CASQ2: variants seen among roughly 807,000 people sequenced by gnomAD.
CASQ2 encodes calsequestrin 2, also known as calsequestrin-2.
A neutral mutation model predicts 46.5 loss-of-function variants in CASQ2; 49 were observed. The observed-to-expected ratio is 1.05, with a 90% CI of 0.84 to 1.34. CASQ2 has a LOEUF of 1.34. Among genes scored for constraint, CASQ2 ranks in the 40% most tolerant of loss-of-function variants. CASQ2 has a pLI of 0.00. For missense variants in CASQ2, 486 were observed against 481.3 expected (o/e 1.01, Z -0.09); for synonymous variants, 174 against 168.5 (o/e 1.03, Z -0.25).
chr1:115,768,373 G>C lies in CASQ2; in HGVS notation c.169C>G (p.His57Asp). The C allele has an allele frequency of 6.2e-7, 1 of 1,614,046 alleles. No individual in the cohort carries two copies. The highest frequency in any genetic ancestry group is 1.1e-5 in the South Asian group (1 of 91,080). ...KKYDLLCLYY[H>D]EPVSSDKVTQ... ...ACCTTATCTGAAGACACCGGCTCAT[G>C]GTAGTAGAGGCAAAGCAAGTCATAT... The change falls in exon 1 of 11, where the codon CAT becomes GAT. Residue 57 changes from histidine to aspartate, a missense_variant. His to Asp is a moderately conservative substitution (Grantham distance 81). Transcript: ENST00000261448.
intron 1 of CASQ2, among the ~76,000 whole-genome samples, chr1:115,748,257 G>A (rs954976938): frequency 1.4e-4 from 21 of 152,000 alleles, no homozygotes; most frequent in African/African-American, 4.8e-4. Context: ...TCCTTTCATT[G>A]TTCCTAGAAT....
chr1:115,740,699 A>T, intron 3 of CASQ2, 29 bp downstream of exon 3: 1 of 1,374,936 alleles, frequency 7.3e-7, no homozygotes, highest in Non-Finnish European at 1.0e-6. Context: ...AGGCAGCTCC[A>T]TGCAGGGTCA....
rs189328840 is a variant in CASQ2, at chr1:115,755,116, A to T, written c.235-10204T>A. ...AAATCACAATCTTTTATTGCGTAGCATTTTGCCATGTCCAAACTGACAGAA... is the reference window on the plus strand; with the variant it reads ...AAATCACAATCTTTTATTGCGTAGCTTTTTGCCATGTCCAAACTGACAGAA... On this transcript the variant is annotated intron_variant, in intron 1 of 10. Transcript: ENST00000261448. 1.4e-4 allele frequency among the ~76,000 whole-genome samples: 22 copies of T among 152,346 alleles called. No homozygotes were observed. The East Asian group carries it at 4.0e-3, about 28-fold the overall frequency.
chr1:115,718,344 T>TAG (rs1647245320), intron 7 of CASQ2, among the ~76,000 whole-genome samples: 1 of 152,196 alleles, frequency 6.6e-6, no homozygotes, highest in African/African-American at 2.4e-5. Flanking sequence ...CACTGGCAGA[T>TAG]AGAGTCAGTG....
At chr1:115,762,006 T>C (rs1378545953) in intron 1 of CASQ2, among the ~76,000 whole-genome samples, 4 of 152,164 alleles carry the variant, frequency 2.6e-5, no homozygotes, top group African/African-American at 9.7e-5. Flanking sequence ...CCCAACAGCC[T>C]CTATTGGTGA....
chr1:115,767,053 A>C, intron 1 of CASQ2, among the ~76,000 whole-genome samples: 1 of 152,180 alleles, frequency 6.6e-6, no homozygotes, highest in Non-Finnish European at 1.5e-5. Context: ...ATAGGGGAGA[A>C]TCCTTATGCC....
chr1:115,726,268 G>T (rs532102672), intron 6 of CASQ2, among the ~76,000 whole-genome samples: 2 of 152,276 alleles, frequency 1.3e-5, no homozygotes, highest in South Asian at 2.1e-4. Context: ...TCCCTCAAGA[G>T]CAGGGGTCAA....
intron 8 of CASQ2, among the ~76,000 whole-genome samples, chr1:115,708,787 T>C (rs1308975196): frequency 6.6e-6 from 1 of 152,324 alleles, no homozygotes; most frequent in South Asian, 2.1e-4. Context: ...TTACGTTCAG[T>C]GATCTGGGCA....
intron 8 of CASQ2, among the ~76,000 whole-genome samples, chr1:115,717,413 T>A (rs1035012014): frequency 1.3e-5 from 2 of 152,152 alleles, no homozygotes; most frequent in Non-Finnish European, 2.9e-5. Context: ...CTTACCCAGA[T>A]CAATCAATGA....
chr1:115,746,138 G>A (rs1648380814), intron 1 of CASQ2, among the ~76,000 whole-genome samples: 1 of 147,972 alleles, frequency 6.8e-6, no homozygotes. Flanking sequence ...ATTTGTCTAG[G>A]TTGTTGCATG....
chr1:115,711,263 G>T (rs1181452820), intron 8 of CASQ2, among the ~76,000 whole-genome samples: 20 of 152,292 alleles, frequency 1.3e-4, no homozygotes, highest in Admixed American at 8.5e-4. Flanking sequence ...TCTTAAAGTG[G>T]GGTCCTGCCC....
At chr1:115,766,185 T>A (rs1649128024) in intron 1 of CASQ2, among the ~76,000 whole-genome samples, 2 of 152,174 alleles carry the variant, frequency 1.3e-5, no homozygotes. Flanking sequence ...GCTGAGCAAC[T>A]CTGTTTAAGG....
At chr1:115,748,975 G>A (rs1359729769) in intron 1 of CASQ2, among the ~76,000 whole-genome samples, 1 of 152,104 alleles carries the variant, frequency 6.6e-6, no homozygotes, top group East Asian at 1.9e-4. Context: ...CCTGGGTGGG[G>A]CTCAGGAATC....
At chr1:115,714,313 T>C (rs1444936119) in intron 8 of CASQ2, among the ~76,000 whole-genome samples, 2 of 152,192 alleles carry the variant, frequency 1.3e-5, no homozygotes, top group South Asian at 4.1e-4. Flanking sequence ...CCTGCTTGAA[T>C]TTGAATCTTG....
chr1:115,766,866 G>T (rs1247234616), intron 1 of CASQ2, among the ~76,000 whole-genome samples: 1 of 27,470 alleles, frequency 3.6e-5, no homozygotes, highest in African/African-American at 1.3e-4. Context: ...AGCTAGAGAT[G>T]ATAGATAGAT....
intron 3 of CASQ2, among the ~76,000 whole-genome samples, chr1:115,740,494 A>G (rs969262738): frequency 3.3e-5 from 5 of 152,256 alleles, no homozygotes; most frequent in South Asian, 4.1e-4. Context: ...TGGTAACAGA[A>G]TTAGCATATT....
In CASQ2 at chr1:115,738,260, T is replaced by G. The variant is rs765848850; in HGVS notation, c.496A>C (p.Lys166Gln). ...TCACTCTTGAAAAAGCCAATGAGTTTGATGTAGTCTTCAATGCGTTCGAAG... is the reference window on the plus strand; with the variant it reads ...TCACTCTTGAAAAAGCCAATGAGTTGGATGTAGTCTTCAATGCGTTCGAAG... ...QAFERIEDYI[K>Q]LIGFFKSEDS... The change falls in exon 4 of 11, where the codon AAA becomes CAA. Residue 166 changes from lysine to glutamine, a missense_variant. Coordinates refer to ENST00000261448, the MANE Select transcript of CASQ2 (RefSeq NM_001232.4). 1 of 1,613,274 alleles carries G rather than the reference T, an allele frequency of 6.2e-7. No homozygotes were observed. The highest frequency in any genetic ancestry group is 2.2e-5 in the East Asian group (1 of 44,892).
chr1:115,717,756 G>A (rs1427345925), intron 8 of CASQ2, 84 bp downstream of exon 8: 1 of 1,025,150 alleles, frequency 9.8e-7, no homozygotes, highest in Non-Finnish European at 1.5e-6. Context: ...GATGGGATGT[G>A]AGAGAAGAGA....
intron 1 of CASQ2, among the ~76,000 whole-genome samples, chr1:115,753,666 C>G (rs749471408): frequency 6.6e-6 from 1 of 152,168 alleles, no homozygotes; most frequent in African/African-American, 2.4e-5. Context: ...ATAAAGACCC[C>G]ACCCAATCCA....
Sources: allele counts gnomAD v4.1 joint callset (sites outside exome capture counted in the v4.1 genomes callset), GRCh38; gene constraint gnomAD v4.1.1; transcripts MANE v1.5; gene names NCBI Gene and HGNC (gene_info 2026-07-23, HGNC 2026-07-21).